Variants in MBD5 observed in about 807,000 individuals in gnomAD.
MBD5 encodes methyl-CpG-binding domain protein 5.
Under a neutral mutation model 117.3 loss-of-function variants are expected in MBD5, and 13 were observed. The ratio of observed to expected loss-of-function variants is 0.11; its 90% CI spans 0.07 to 0.18. The LOEUF is 0.18. Among genes scored for constraint, MBD5 ranks in the 10% least tolerant of loss-of-function variants. The probability of loss-of-function intolerance (pLI) is 1.00; values close to 1 mark genes in which losing one functional copy is unlikely to be tolerated. For missense variants in MBD5, 1,879 were observed against 2,093.8 expected, an observed-to-expected ratio of 0.90 and a Z score of 2.00; for synonymous variants, 727 against 766.4, an observed-to-expected ratio of 0.95 and a Z score of 0.85.
At chr2:148,115,112 T>A (rs1309189504) in intron 1 of MBD5, among the ~76,000 whole-genome samples, 1 of 152,160 alleles carries the variant, frequency 6.6e-6, no homozygotes, top group Non-Finnish European at 1.5e-5. Flanking sequence ...TTTAAATATC[T>A]ATCAATATAC....
At chr2:148,305,135 T>C (rs1177918560) in intron 3 of MBD5, among the ~76,000 whole-genome samples, 1 of 152,094 alleles carries the variant, frequency 6.6e-6, no homozygotes, top group African/African-American at 2.4e-5. Context: ...AGATTTTTGC[T>C]AAACTGATCC....
chr2:148,515,989 C>T lies in MBD5; in HGVS notation c.*3048C>T, dbSNP rs1475493968. The T allele has an allele frequency of 6.6e-6, 1 of 152,146 alleles. No homozygotes were observed. Among genetic ancestry groups the T allele is most frequent in the Non-Finnish European group, 1.5e-5 (1 of 68,030 alleles). The allele number at this position is 152,146 out of a possible 1,614,324, so 9.4% of individuals were successfully genotyped here. A position where few individuals can be genotyped will look rare whatever the true frequency, so the allele number is the denominator to read the frequency against. Reference sequence around the variant, plus strand: ...GAAAATGTTTTAAGAACATTCATCCCTTGTGATATCATGGGCCACTTTTAG... The same window carrying T: ...GAAAATGTTTTAAGAACATTCATCCTTTGTGATATCATGGGCCACTTTTAG... On this transcript the variant is annotated 3_prime_UTR_variant, in exon 14 of 14. Transcript: ENST00000642680.
At chr2:148,509,479 T>C (rs1682146130) in intron 12 of MBD5, among the ~76,000 whole-genome samples, 1 of 152,212 alleles carries the variant, frequency 6.6e-6, no homozygotes, top group Non-Finnish European at 1.5e-5. Flanking sequence ...TTACCTCATT[T>C]TGGCTTTTGG....
At chr2:148,189,434 G>A (rs1698773148) in intron 2 of MBD5, among the ~76,000 whole-genome samples, 1 of 148,484 alleles carries the variant, frequency 6.7e-6, no homozygotes, top group Non-Finnish European at 1.5e-5. Flanking sequence ...GCCTCCTCAA[G>A]TGGGTCCCTG....
chr2:148,398,496 GT>G (rs1162352921), intron 4 of MBD5, among the ~76,000 whole-genome samples: 1 of 152,120 alleles, frequency 6.6e-6, no homozygotes, highest in Non-Finnish European at 1.5e-5. Context: ...TTTTGATGGG[GT>G]TGTTTGTTTT....
intron 1 of MBD5, among the ~76,000 whole-genome samples, chr2:148,163,794 TC>T (rs1181023234): frequency 6.6e-6 from 1 of 152,184 alleles, no homozygotes; most frequent in African/African-American, 2.4e-5. Context: ...TTCATTTTTT[TC>T]ATGTAGAAAA....
At chr2:148,214,933 C>A (rs1323038055) in intron 2 of MBD5, among the ~76,000 whole-genome samples, 1 of 152,096 alleles carries the variant, frequency 6.6e-6, no homozygotes, top group Non-Finnish European at 1.5e-5. Flanking sequence ...GGTAAGGTAA[C>A]CTTAGCATTG....
At chr2:148,136,346 C>A (rs1047807308) in intron 1 of MBD5, among the ~76,000 whole-genome samples, 1 of 151,962 alleles carries the variant, frequency 6.6e-6, no homozygotes, top group African/African-American at 2.4e-5. Flanking sequence ...TGGCCATAGA[C>A]AAGTTGTACA....
intron 1 of MBD5, among the ~76,000 whole-genome samples, chr2:148,095,729 G>T (rs555109275): frequency 2.4e-4 from 32 of 131,550 alleles, no homozygotes; most frequent in Non-Finnish European, 5.0e-4. Flanking sequence ...TTCTGAGTTA[G>T]TTTTTTTTTT....
intron 4 of MBD5, among the ~76,000 whole-genome samples, chr2:148,371,238 C>A (rs1289748112): frequency 2.6e-5 from 4 of 152,148 alleles, no homozygotes; most frequent in African/African-American, 9.6e-5. Context: ...CATATAATTT[C>A]TATGAGAAAA....
chr2:148,327,022 G>T (rs539420155), intron 3 of MBD5, among the ~76,000 whole-genome samples: 2,343 of 151,704 alleles, frequency 0.015, 73 homozygotes, highest in African/African-American at 0.053. Flanking sequence ...GCTCTTTTAG[G>T]GAAGGCCTGG....
intron 4 of MBD5, among the ~76,000 whole-genome samples, chr2:148,362,268 A>C (rs1041005266): frequency 1.3e-5 from 2 of 152,156 alleles, no homozygotes; most frequent in Non-Finnish European, 2.9e-5. Context: ...CAGCAGCCTG[A>C]AGTGAACCTG....
In MBD5 at chr2:148,406,671, G is replaced by T. The variant is rs144202364; in HGVS notation, c.-556-51532G>T. Among the ~76,000 whole-genome samples, 211 of 152,248 alleles carry T rather than the reference G, an allele frequency of 1.4e-3. 5 individuals carry two copies. In the East Asian group the frequency reaches 0.035, roughly 25 times the overall value. On this transcript the variant is annotated intron_variant, in intron 4 of 13. Coordinates refer to ENST00000642680, the MANE Select transcript of MBD5 (RefSeq NM_001378120.1). ...ATTTTTCCAACCCCATCTCATGCCA[G>T]TCCCACTTTCCTCATTACACTCAAG...
At chr2:148,446,739 G>A (rs1348641196) in intron 4 of MBD5, among the ~76,000 whole-genome samples, 2 of 151,812 alleles carry the variant, frequency 1.3e-5, no homozygotes, top group African/African-American at 4.8e-5. Flanking sequence ...GGCCATGGAG[G>A]TAGAACAAAA....
chr2:148,354,785 C>A (rs776630160), intron 4 of MBD5, among the ~76,000 whole-genome samples: 1 of 151,976 alleles, frequency 6.6e-6, no homozygotes, highest in Admixed American at 6.6e-5. Context: ...TGTTGTTTCC[C>A]GAGTTTTTAA....
intron 4 of MBD5, among the ~76,000 whole-genome samples, chr2:148,410,103 T>A (rs776046360): frequency 1.3e-5 from 2 of 152,178 alleles, no homozygotes; most frequent in Non-Finnish European, 2.9e-5. Context: ...TTAAAATTCT[T>A]GTAGATAATG....
intron 2 of MBD5, among the ~76,000 whole-genome samples, chr2:148,226,772 C>A (rs1183173046): frequency 6.6e-6 from 1 of 152,160 alleles, no homozygotes; most frequent in African/African-American, 2.4e-5. Context: ...TCTCCAGCAC[C>A]TGTTGTTTCC....
intron 4 of MBD5, among the ~76,000 whole-genome samples, chr2:148,425,729 A>C (rs1012416260): frequency 6.6e-5 from 10 of 152,260 alleles, no homozygotes; most frequent in Non-Finnish European, 1.3e-4. Context: ...AGGCTGGTTC[A>C]ACATGTGCAA....
At chr2:148,449,999 T>A (rs977734144) in intron 4 of MBD5, among the ~76,000 whole-genome samples, 20 of 152,108 alleles carry the variant, frequency 1.3e-4, no homozygotes, top group African/African-American at 4.6e-4. Context: ...TATGTCTATA[T>A]AAATAGTAGC....
Sources: allele counts gnomAD v4.1 joint callset (sites outside exome capture counted in the v4.1 genomes callset), GRCh38; gene constraint gnomAD v4.1.1; transcripts MANE v1.5; gene names NCBI Gene and HGNC (gene_info 2026-07-23, HGNC 2026-07-21).